Variants in CACNA1D observed in about 807,000 individuals in gnomAD.
CACNA1D encodes calcium voltage-gated channel subunit alpha1 D, also known as voltage-dependent L-type calcium channel subunit alpha-1D.
A neutral mutation model predicts 257.1 loss-of-function variants in CACNA1D; 55 were observed. The observed-to-expected ratio is 0.21, with a 90% CI of 0.17 to 0.27. CACNA1D has a LOEUF of 0.27. Among genes scored for constraint, CACNA1D ranks in the 10% least tolerant of loss-of-function variants. The probability of loss-of-function intolerance (pLI) is 1.00; values close to 1 mark genes in which losing one functional copy is unlikely to be tolerated. For synonymous variants in CACNA1D, 980 were observed against 1,014.9 expected, an observed-to-expected ratio of 0.97 and a Z score of 0.65; for missense variants, 1,876 against 2,784.0, an observed-to-expected ratio of 0.67 and a Z score of 7.34.
chr3:53,672,945 C>T (rs2094339879), intron 7 of CACNA1D, 78 bp from the exon 8 acceptor site: 1 of 879,492 alleles, frequency 1.1e-6, no homozygotes, highest in Non-Finnish European at 1.8e-6. Flanking sequence ...GTATAGAATG[C>T]TGTCTCTAAT....
chr3:53,532,540 A>C (rs1423256009), intron 3 of CACNA1D, among the ~76,000 whole-genome samples: 1 of 152,142 alleles, frequency 6.6e-6, no homozygotes, highest in Non-Finnish European at 1.5e-5. Context: ...GAAGAGATGG[A>C]TAAAGATAAG....
At position 53,665,643 on chromosome 3, in the gene CACNA1D, T is replaced by C; in HGVS notation, c.767-17T>C. ...GCCTTCCTGGCTCACAAACTTATTT[T>C]TTTTTGTCTTTCCTAGGTTTACAAG... On this transcript the variant is annotated splice_polypyrimidine_tract_variant and intron_variant, in intron 5 of 47. Coordinates refer to ENST00000350061, the MANE Select transcript of CACNA1D (RefSeq NM_001128840.3). The C allele has an allele frequency of 6.2e-7, 1 of 1,610,556 alleles. No homozygotes were observed. Among genetic ancestry groups the C allele is most frequent in the South Asian group, 1.1e-5 (1 of 90,934 alleles).
At chr3:53,607,927 A>G (rs1204174565) in intron 3 of CACNA1D, among the ~76,000 whole-genome samples, 1 of 152,180 alleles carries the variant, frequency 6.6e-6, no homozygotes, top group African/African-American at 2.4e-5. Flanking sequence ...TGATTAATGT[A>G]GCTTTATGGT....
At chr3:53,806,180 T>C (rs1576735701) in intron 45 of CACNA1D, among the ~76,000 whole-genome samples, 9 of 71,818 alleles carry the variant, frequency 1.3e-4, no homozygotes, top group Admixed American at 3.3e-4. Context: ...CTCTCCTCCC[T>C]CCTCCTCCCT....
intron 3 of CACNA1D, among the ~76,000 whole-genome samples, chr3:53,505,269 T>C (rs2090790034): frequency 6.6e-6 from 1 of 151,950 alleles, no homozygotes; most frequent in Non-Finnish European, 1.5e-5. Context: ...CCAACATGCC[T>C]GGCTAATATT....
At chr3:53,741,924 AATGAT>A (rs1451067397) in intron 21 of CACNA1D, among the ~76,000 whole-genome samples, 1 of 152,206 alleles carries the variant, frequency 6.6e-6, no homozygotes, top group African/African-American at 2.4e-5. Context: ...AAAGGAAAAA[AATGAT>A]TGTTACTTTT....
rs899497986 is a variant in CACNA1D at position 53,497,356 on chromosome 3, G to A, written c.272G>A (p.Ser91Asn). 6.2e-7 allele frequency: 1 copy of A among 1,614,112 alleles called. No homozygotes were observed. The highest frequency in any genetic ancestry group is 8.5e-7 in the Non-Finnish European group (1 of 1,180,036). ...AGAAAACGTCAGCAATACGCCAAGA[G>A]CAAAAAACAGGGTAACTCGTCCAAC... The part of the protein sequence containing the change: ...SQRKRQQYAK[S>N]KKQGNSSNSR... The change falls in exon 2 of 48, where the codon AGC becomes AAC. Residue 91 changes from serine (S) to asparagine (N), a missense_variant. Ser to Asn is a conservative substitution (Grantham distance 46, BLOSUM62 1). Transcript: ENST00000350061.
chr3:53,518,041 T>C (rs1237932299), intron 3 of CACNA1D, among the ~76,000 whole-genome samples: 3 of 152,198 alleles, frequency 2.0e-5, no homozygotes, highest in Non-Finnish European at 4.4e-5. Flanking sequence ...AAGTAATGGA[T>C]TTGGTCACAC....
At position 53,803,501 on chromosome 3, in the gene CACNA1D, C is replaced by T; in HGVS notation, c.5514C>T (p.His1838=). The stretch of plus-strand genomic sequence containing the variant: ...TACATGGCTATTTCAGGGACCCCCA[C>T]TGCTTGGGGGAGCAGGAGTATTTCA... The part of the protein sequence containing the change: ...PEIHGYFRDP[H]CLGEQEYFSS... Residue 1838 remains histidine (H), a synonymous_variant, in exon 44 of 48, where the codon CAC becomes CAT. Coordinates refer to ENST00000350061, the MANE Select transcript of CACNA1D (RefSeq NM_001128840.3). 1 of 1,613,490 alleles carries T rather than the reference C, an allele frequency of 6.2e-7. No homozygotes were observed. Among genetic ancestry groups the T allele is most frequent in the Non-Finnish European group, 8.5e-7 (1 of 1,179,356 alleles).
chr3:53,570,842 ATGGTC>A (rs1176407112), intron 3 of CACNA1D, among the ~76,000 whole-genome samples: 2 of 152,256 alleles, frequency 1.3e-5, no homozygotes, highest in Admixed American at 6.5e-5. Flanking sequence ...AAGGCTAAAA[ATGGTC>A]AAGGAAGGCT....
intron 3 of CACNA1D, among the ~76,000 whole-genome samples, chr3:53,581,909 GCAT>G (rs2093139286): frequency 6.6e-6 from 1 of 152,326 alleles, no homozygotes; most frequent in South Asian, 2.1e-4. Flanking sequence ...AATCAGGATA[GCAT>G]CTGGGTATCT....
chr3:53,742,997 G>T lies in CACNA1D; in HGVS notation c.2812-14G>T, dbSNP rs369180125. The T allele has an allele frequency of 9.8e-5, 151 of 1,548,422 alleles. No individual in the cohort carries two copies. The African/African-American group carries it at 1.8e-3, about 19-fold the overall frequency. On this transcript the variant is annotated splice_polypyrimidine_tract_variant and intron_variant, in intron 21 of 47. Transcript: ENST00000350061. ...AGACAAAAAATGGTAAATCATCCAT[G>T]ATTCTGCTTCTAGATGACAACTTTT...
intron 3 of CACNA1D, among the ~76,000 whole-genome samples, chr3:53,618,277 C>T (rs1269031897): frequency 6.6e-6 from 1 of 152,184 alleles, no homozygotes; most frequent in African/African-American, 2.4e-5. Flanking sequence ...CGCCCAGGTG[C>T]TGGCAGTGCT....
intron 3 of CACNA1D, among the ~76,000 whole-genome samples, chr3:53,630,418 T>A (rs1260052964): frequency 6.6e-6 from 1 of 152,240 alleles, no homozygotes; most frequent in Non-Finnish European, 1.5e-5. Context: ...TTCCAATGGA[T>A]TCAGCCTGGT....
intron 8 of CACNA1D, among the ~76,000 whole-genome samples, chr3:53,689,262 T>C (rs1218846602): frequency 6.7e-6 from 1 of 149,164 alleles, no homozygotes; most frequent in Non-Finnish European, 1.5e-5. Flanking sequence ...AGTGCAATGG[T>C]GAGGCTGCCA....
chr3:53,567,093 T>G (rs1205982852), intron 3 of CACNA1D, among the ~76,000 whole-genome samples: 1 of 152,210 alleles, frequency 6.6e-6, no homozygotes, highest in East Asian at 1.9e-4. Context: ...TCTTTGAGTC[T>G]TATGGAGACG....
At chr3:53,557,350 C>T (rs1010273919) in intron 3 of CACNA1D, among the ~76,000 whole-genome samples, 4 of 151,876 alleles carry the variant, frequency 2.6e-5, no homozygotes, top group South Asian at 2.1e-4. Flanking sequence ...CAAAATTAGC[C>T]GGGTGTGGTG....
At position 53,587,950 on chromosome 3, in the gene CACNA1D, A is replaced by C. The variant is rs528050459; in HGVS notation, c.484-62829A>C. 2.0e-5 allele frequency among the ~76,000 whole-genome samples: 3 copies of C among 152,256 alleles called. No homozygotes were observed. In the East Asian group the frequency reaches 5.8e-4, roughly 29 times the overall value. Reference sequence around the variant, plus strand: ...TGTAGAATTGCTTCCTTATGGCTGCACATTCCATCAAGTGGTTCTGCCCAA... The same window carrying C: ...TGTAGAATTGCTTCCTTATGGCTGCCCATTCCATCAAGTGGTTCTGCCCAA... On this transcript the variant is annotated intron_variant, in intron 3 of 47. Transcript: ENST00000350061.
At chr3:53,614,175 T>TAG (rs1034379663) in intron 3 of CACNA1D, among the ~76,000 whole-genome samples, 3 of 150,212 alleles carry the variant, frequency 2.0e-5, no homozygotes, top group Admixed American at 6.6e-5. Context: ...AGGGCTGAGA[T>TAG]AGAGCACTTG....
Sources: allele counts gnomAD v4.1 joint callset (sites outside exome capture counted in the v4.1 genomes callset), GRCh38; gene constraint gnomAD v4.1.1; transcripts MANE v1.5; gene names NCBI Gene and HGNC (gene_info 2026-07-23, HGNC 2026-07-21).